The following TTC5 variants were observed in gnomAD, a reference collection of about 807,000 sequenced individuals.
TTC5 encodes tetratricopeptide repeat domain 5, also known as tetratricopeptide repeat protein 5.
Under a neutral mutation model 57.4 loss-of-function variants are expected in TTC5, and 46 were observed. The observed-to-expected ratio is 0.80, with a 90% confidence interval of 0.63 to 1.03. The LOEUF (loss-of-function observed/expected upper bound fraction) is 1.03. Ranked by LOEUF, TTC5 falls within the 50% of genes least tolerant of loss-of-function variation. The pLI is 0.00. For missense variants in TTC5, 504 were observed against 528.1 expected (o/e 0.95, Z 0.45); for synonymous variants, 190 against 203.5 (o/e 0.93, Z 0.57).
At chr14:20,295,221 C>T in intron 8 of TTC5, 91 bp downstream of exon 8, 2 of 1,209,342 alleles carry the variant, frequency 1.7e-6, no homozygotes, top group Non-Finnish European at 2.4e-6. Context: ...TCTGTGACCA[C>T]TGACAATCTC....
intron 8 of TTC5, 69 bp downstream of exon 8, chr14:20,295,243 G>A: frequency 1.4e-6 from 2 of 1,443,634 alleles, no homozygotes; most frequent in Non-Finnish European, 1.9e-6. Flanking sequence ...TCAACTGCCA[G>A]GGAAAGAACA....
At chr14:20,300,029 AG>A (rs1166058711) in intron 3 of TTC5, among the ~76,000 whole-genome samples, 1 of 126,918 alleles carries the variant, frequency 7.9e-6, no homozygotes, top group Non-Finnish European at 1.7e-5. Flanking sequence ...TGGTAGAGGC[AG>A]GGTTTCACCA....
chr14:20,295,808 G>A lies in TTC5; in HGVS notation c.743C>T (p.Ser248Phe). ...ESYGEALEGF[S>F]RAAALDPAWP... Reference sequence around the variant, plus strand: ...GGCAGGGTCCAGGGCTGCAGCCCGAGAGAAGCCCTCCAGGGCCTCCCCATA... The same window carrying A: ...GGCAGGGTCCAGGGCTGCAGCCCGAAAGAAGCCCTCCAGGGCCTCCCCATA... The change falls in exon 7 of 10, where the codon TCT becomes TTT. Residue 248 changes from serine to phenylalanine, a missense_variant. Physicochemically the swap from Ser to Phe is radical, Grantham distance 155 (BLOSUM62 -2). Coordinates refer to ENST00000258821, the MANE Select transcript of TTC5 (RefSeq NM_138376.3). The A allele has an allele frequency of 6.2e-7, 1 of 1,606,462 alleles. No homozygotes were observed. The highest frequency in any genetic ancestry group is 8.5e-7 in the Non-Finnish European group (1 of 1,178,106).
At chr14:20,299,595 C>G (rs987554548) in intron 3 of TTC5, 147 bp from the exon 4 acceptor site, 2 of 888,304 alleles carry the variant, frequency 2.3e-6, no homozygotes, top group African/African-American at 3.4e-5. Flanking sequence ...GCTCTGTCAC[C>G]CAGGCTGAAG....
At position 20,299,337 on chromosome 14, in the gene TTC5, A is replaced by T. The variant is rs556991194; in HGVS notation, c.508T>A (p.Leu170Met). ...HVMDSVRQAK[L>M]AVQMDVHDGR... ...TCATGGACATCCATCTGAACAGCCAACTTAGCCTGTCGGACACTGTCCATG... is the reference window on the plus strand; with the variant it reads ...TCATGGACATCCATCTGAACAGCCATCTTAGCCTGTCGGACACTGTCCATG... Residue 170 changes from leucine to methionine, a missense_variant, in exon 4 of 10, where the codon TTG becomes ATG. Coordinates refer to ENST00000258821, the MANE Select transcript of TTC5 (RefSeq NM_138376.3). 6.2e-7 allele frequency: 1 copy of T among 1,614,152 alleles called. No homozygotes were observed. Among genetic ancestry groups the T allele is most frequent in the Admixed American group, 1.7e-5 (1 of 60,032 alleles).
At chr14:20,299,480 C>T in intron 3 of TTC5, 32 bp from the exon 4 acceptor site, 1 of 1,603,396 alleles carries the variant, frequency 6.2e-7, no homozygotes, top group African/African-American at 1.3e-5. Flanking sequence ...ACTCAATCTT[C>T]CTGATTCTAC....
At position 20,288,442 on chromosome 14, in the gene TTC5, A is replaced by T. The variant is rs1232193081; in HGVS notation, c.*1185T>A. The T allele has an allele frequency of 1.3e-5, 2 of 152,318 alleles. No individual in the cohort carries two copies. Among genetic ancestry groups the T allele is most frequent in the Admixed American group, 6.5e-5 (1 of 15,282 alleles). 9.4% of individuals were successfully genotyped at this position (152,318 alleles called of 1,614,324 possible). A position where few individuals can be genotyped will look rare whatever the true frequency, so the allele number is the denominator to read the frequency against. ...CAGTTGTTGTTGCTGTTTGAGACGGAGTCTCGCTCTGTCGCCCATGCTGGA... is the reference window on the plus strand; with the variant it reads ...CAGTTGTTGTTGCTGTTTGAGACGGTGTCTCGCTCTGTCGCCCATGCTGGA... On this transcript the variant is annotated 3_prime_UTR_variant, in exon 10 of 10. Transcript: ENST00000258821.
chr14:20,298,108 C>G (rs146095736), intron 5 of TTC5, among the ~76,000 whole-genome samples: 1 of 152,030 alleles, frequency 6.6e-6, no homozygotes, highest in East Asian at 1.9e-4. Flanking sequence ...TCAAGAGAAG[C>G]AAAAGAAGAA....
At position 20,288,645 on chromosome 14, in the gene TTC5, A is replaced by T. The variant is rs895555164; in HGVS notation, c.*982T>A. The T allele has an allele frequency of 6.6e-6, 1 of 152,172 alleles. No homozygotes were observed. The highest frequency in any genetic ancestry group is 1.5e-5 in the Non-Finnish European group (1 of 68,052). 9.4% of individuals were successfully genotyped at this position (152,172 alleles called of 1,614,324 possible). A position where few individuals can be genotyped will look rare whatever the true frequency, so the allele number is the denominator to read the frequency against. On this transcript the variant is annotated 3_prime_UTR_variant, in exon 10 of 10. Coordinates refer to ENST00000258821, the MANE Select transcript of TTC5 (RefSeq NM_138376.3). ...TGGCCAGGCTGATCTTGAACTCCTG[A>T]CCTCGTGATCCACCCGCCTTGGACT...
chr14:20,298,880 C>G lies in TTC5; in HGVS notation c.556G>C (p.Gly186Arg). ...AAGTAAAGGGAAAGATATGAATTCC[C>G]AAGAATATCTGAAAGAGAAACACAG... Reference protein sequence around the residue: ...VHDGRSWYILGNSYLSLYFST... With the variant: ...VHDGRSWYILRNSYLSLYFST... Residue 186 changes from glycine (G) to arginine (R), a missense_variant, in exon 5 of 10, where the codon GGG becomes CGG. Physicochemically the swap from Gly to Arg is moderately radical, Grantham distance 125. Transcript: ENST00000258821. 1.2e-6 allele frequency: 2 copies of G among 1,609,758 alleles called. No homozygotes were observed. Among genetic ancestry groups the G allele is most frequent in the Non-Finnish European group, 1.7e-6 (2 of 1,176,150 alleles).
At chr14:20,305,781 G>A (rs1277806239) in intron 1 of TTC5, 106 bp downstream of exon 1, 3 of 1,158,614 alleles carry the variant, frequency 2.6e-6, no homozygotes, top group Non-Finnish European at 3.9e-6. Flanking sequence ...ACAGACGCAC[G>A]CAGCTTCGCG....
At chr14:20,297,544 A>G (rs1333260939) in intron 5 of TTC5, among the ~76,000 whole-genome samples, 2 of 152,102 alleles carry the variant, frequency 1.3e-5, no homozygotes, top group Non-Finnish European at 2.9e-5. Context: ...ACCGAGGCGG[A>G]TGGATCACCT....
At chr14:20,300,143 G>GTGTGTATATATATATATATATA (rs370417927) in intron 3 of TTC5, among the ~76,000 whole-genome samples, 373 of 27,156 alleles carry the variant, frequency 0.014, 45 homozygotes, top group East Asian at 0.023. Context: ...TCTGGTCCAT[G>GTGTGTATATATATATATATATA]TATATATATA....
chr14:20,299,029 C>T, intron 4 of TTC5, 141 bp from the exon 5 acceptor site: 2 of 750,936 alleles, frequency 2.7e-6, no homozygotes, highest in Non-Finnish European at 4.4e-6. Flanking sequence ...ATACCCAAAA[C>T]TCCACTAGGA....
At chr14:20,305,490 T>G in intron 1 of TTC5, 1 of 204,068 alleles carries the variant, frequency 4.9e-6, no homozygotes, top group Non-Finnish European at 1.0e-5. Context: ...GCGTGATTGT[T>G]GCCAAATTCA....
At position 20,292,274 on chromosome 14, in the gene TTC5, TTAA is replaced by T. The variant is rs1431170534; in HGVS notation, c.1059-150_1059-148del. On this transcript the variant is annotated intron_variant, in intron 8 of 9. Transcript: ENST00000258821. ...ATTAAAATAAAATATAAAATTTAAC[TTAA>T]TTAAACTTTAAAAATAAAATACTAA... 19 of 129,796 alleles carry T rather than the reference TTAA, an allele frequency of 1.5e-4. No individual in the cohort carries two copies. In the East Asian group the frequency reaches 3.3e-3, roughly 23 times the overall value. The allele number at this position is 129,796 out of a possible 1,614,324, so 8.0% of individuals were successfully genotyped here.
At position 20,289,615 on chromosome 14, in the gene TTC5, G is replaced by A. The variant is rs1487199661; in HGVS notation, c.*12C>T. 3.7e-6 allele frequency: 6 copies of A among 1,608,016 alleles called. No individual in the cohort carries two copies. The highest frequency in any genetic ancestry group is 4.2e-6 in the Non-Finnish European group (5 of 1,176,684). The stretch of plus-strand genomic sequence containing the variant: ...CTCTCCTCCACTCCCTGTTGAGCAT[G>A]CAAGTCAAAGGTCATTCACACTGTG... On this transcript the variant is annotated 3_prime_UTR_variant, in exon 10 of 10. Transcript: ENST00000258821.
intron 1 of TTC5, among the ~76,000 whole-genome samples, chr14:20,303,020 G>A (rs897131310): frequency 4.6e-5 from 7 of 151,588 alleles, no homozygotes; most frequent in African/African-American, 9.7e-5. Flanking sequence ...GGTGAAACCC[G>A]GTCTCTACTA....
intron 1 of TTC5, among the ~76,000 whole-genome samples, chr14:20,302,630 C>G (rs949620654): frequency 6.6e-6 from 1 of 152,082 alleles, no homozygotes; most frequent in Non-Finnish European, 1.5e-5. Context: ...AATAAATATT[C>G]TCTTTCCTCT....
Sources: gnomAD v4.1 joint callset for allele counts (sites outside exome capture counted in the v4.1 genomes callset) on GRCh38, gnomAD v4.1.1 for gene constraint, MANE v1.5 for transcripts, NCBI Gene and HGNC (gene_info 2026-07-23, HGNC 2026-07-21) for gene names.